The following SORCS2 variants were observed in gnomAD, a reference collection of about 807,000 sequenced individuals.
The protein encoded by SORCS2 is VPS10 domain-containing receptor SorCS2.
In SORCS2, 100 loss-of-function variants were observed where a neutral mutation model predicts 141.6. That is an observed-to-expected ratio of 0.71 (90% CI 0.60 to 0.83). The LOEUF (loss-of-function observed/expected upper bound fraction) is 0.83, where lower values mean the gene tolerates loss of function less well. Among genes scored for constraint, SORCS2 ranks in the 40% least tolerant of loss-of-function variants. SORCS2 has a pLI of 0.00. For synonymous variants in SORCS2, 789 were observed against 676.9 expected (o/e 1.17, Z -2.57); for missense variants, 1,646 against 1,560.2 (o/e 1.05, Z -0.93).
intron 2 of SORCS2, among the ~76,000 whole-genome samples, chr4:7,453,960 G>T (rs1393977307): frequency 9.3e-6 from 1 of 107,916 alleles, no homozygotes; most frequent in South Asian, 3.6e-4. Context: ...GTGTGTTGGG[G>T]TCAGGTGCTG....
intron 1 of SORCS2, among the ~76,000 whole-genome samples, chr4:7,234,127 A>G (rs6414633): frequency 0.81 from 122,348 of 151,622 alleles, 49,394 homozygotes; most frequent in Admixed American, 0.82. Context: ...CCCACCAGAA[A>G]GATGCTTGGG....
chr4:7,623,990 T>A (rs556106190), intron 3 of SORCS2, among the ~76,000 whole-genome samples: 1 of 152,298 alleles, frequency 6.6e-6, no homozygotes, highest in South Asian at 2.1e-4. Flanking sequence ...TCTCTGGGAC[T>A]CACTTGCTTG....
intron 1 of SORCS2, among the ~76,000 whole-genome samples, chr4:7,228,312 C>T (rs1034681239): frequency 3.9e-5 from 6 of 152,270 alleles, no homozygotes; most frequent in Non-Finnish European, 8.8e-5. Context: ...TAAATACAGA[C>T]GCATCCTGGG....
chr4:7,568,793 C>T (rs866259642), intron 3 of SORCS2, among the ~76,000 whole-genome samples: 3 of 152,194 alleles, frequency 2.0e-5, no homozygotes, highest in African/African-American at 7.2e-5. Flanking sequence ...AAGTCTATTG[C>T]AATTACAAGG....
At chr4:7,677,033 G>C (rs989385501) in intron 9 of SORCS2, among the ~76,000 whole-genome samples, 5 of 147,992 alleles carry the variant, frequency 3.4e-5, no homozygotes, top group Admixed American at 3.4e-4. Context: ...CTCTCTCTCT[G>C]TCTCTCTCTC....
At chr4:7,651,886 T>G (rs976619954) in intron 4 of SORCS2, among the ~76,000 whole-genome samples, 7 of 152,222 alleles carry the variant, frequency 4.6e-5, no homozygotes, top group Non-Finnish European at 1.5e-5. Context: ...CACATTCTTC[T>G]TAGGCCATGG....
At chr4:7,462,674 T>C (rs1729382773) in intron 2 of SORCS2, among the ~76,000 whole-genome samples, 1 of 151,730 alleles carries the variant, frequency 6.6e-6, no homozygotes, top group Non-Finnish European at 1.5e-5. Context: ...CCTGGCGACC[T>C]CAGTCCCTGG....
At chr4:7,199,274 G>A (rs556780487) in intron 1 of SORCS2, among the ~76,000 whole-genome samples, 7 of 152,330 alleles carry the variant, frequency 4.6e-5, no homozygotes, top group African/African-American at 1.7e-4. Flanking sequence ...CCCCAGGGAT[G>A]CAATTCAGGA....
At chr4:7,674,781 C>T (rs1234258952) in intron 8 of SORCS2, among the ~76,000 whole-genome samples, 1 of 147,050 alleles carries the variant, frequency 6.8e-6, no homozygotes, top group Non-Finnish European at 1.5e-5. Flanking sequence ...TGGACAGAAT[C>T]GGGATTTGAT....
At chr4:7,618,175 C>T (rs1324938863) in intron 3 of SORCS2, among the ~76,000 whole-genome samples, 2 of 152,146 alleles carry the variant, frequency 1.3e-5, no homozygotes, top group Non-Finnish European at 2.9e-5. Flanking sequence ...TCCGCAGGCT[C>T]CTCTCAGGAA....
chr4:7,449,544 C>T (rs1211848164), intron 2 of SORCS2, among the ~76,000 whole-genome samples: 1 of 151,232 alleles, frequency 6.6e-6, no homozygotes, highest in South Asian at 2.1e-4. Flanking sequence ...ACACTTCCTG[C>T]CTGACAGGGC....
At chr4:7,501,111 G>C (rs1373615411) in intron 2 of SORCS2, among the ~76,000 whole-genome samples, 1 of 152,212 alleles carries the variant, frequency 6.6e-6, no homozygotes, top group Non-Finnish European at 1.5e-5. Flanking sequence ...ACCTGTGAAG[G>C]CGCGGGTGAG....
intron 4 of SORCS2, 59 bp from the exon 5 acceptor site, chr4:7,654,075 A>G: frequency 2.1e-6 from 3 of 1,455,008 alleles, no homozygotes; most frequent in Non-Finnish European, 2.8e-6. Flanking sequence ...ACCCTCTCTC[A>G]GAAGCAGCTT....
At chr4:7,736,980 G>A (rs1055649275) in intron 25 of SORCS2, 89 bp from the exon 26 acceptor site, 77 of 1,484,916 alleles carry the variant, frequency 5.2e-5, no homozygotes, top group Middle Eastern at 1.9e-4. Context: ...CACCACACTC[G>A]GTGTGGTCAG....
chr4:7,646,311 G>A (rs1339767674), intron 4 of SORCS2, among the ~76,000 whole-genome samples: 2 of 152,222 alleles, frequency 1.3e-5, no homozygotes, highest in Admixed American at 6.5e-5. Flanking sequence ...GGTGGGGGTG[G>A]AAGGTACGCA....
rs769657073 is a variant in SORCS2, at chr4:7,676,074, G to A, written c.1186G>A (p.Glu396Lys). 11 of 1,590,352 alleles carry A rather than the reference G, an allele frequency of 6.9e-6. No individual in the cohort carries two copies. The highest frequency in any genetic ancestry group is 5.7e-5 in the South Asian group (5 of 87,240). The change falls in exon 9 of 27, where the codon GAG (glutamate) becomes AAG (lysine). Residue 396 changes from glutamate (E) to lysine (K), a missense_variant. Physicochemically the swap from Glu to Lys is moderately conservative, Grantham distance 56. Coordinates refer to ENST00000507866, the MANE Select transcript of SORCS2 (RefSeq NM_020777.3). ...PKDLQIISTDESQVFVAVQEW... is the reference protein window; with the variant it reads ...PKDLQIISTDKSQVFVAVQEW... The stretch of plus-strand genomic sequence containing the variant: ...GGATCTGCAGATCATCAGCACGGAC[G>A]AGAGTCAGGTGTTCGTGGCGGTGCA...
chr4:7,715,281 C>T lies in SORCS2; in HGVS notation c.2222C>T (p.Ala741Val), dbSNP rs751419003. The T allele has an allele frequency of 2.5e-6, 4 of 1,613,456 alleles. No homozygotes were observed. The Admixed American group carries it at 5.0e-5, about 20-fold the overall frequency. ...FNPLSPPDDC[A>V]LGQTYTSSLG... ...CCATTGTCCCCGCCTGACGACTGTG[C>T]CCTGGGCCAGACCTACACCAGCAGC... Residue 741 changes from alanine to valine, a missense_variant, in exon 17 of 27, where the codon GCC (alanine) becomes GTC (valine). Coordinates refer to ENST00000507866, the MANE Select transcript of SORCS2 (RefSeq NM_020777.3).
chr4:7,584,205 A>G (rs1375427783), intron 3 of SORCS2, among the ~76,000 whole-genome samples: 1 of 152,228 alleles, frequency 6.6e-6, no homozygotes, highest in Non-Finnish European at 1.5e-5. Flanking sequence ...GTAGTAACAA[A>G]TAATTGTCAT....
chr4:7,693,132 G>A (rs1253635094), intron 11 of SORCS2, among the ~76,000 whole-genome samples: 1 of 152,190 alleles, frequency 6.6e-6, no homozygotes, highest in Non-Finnish European at 1.5e-5. Context: ...CCTTCTGAGT[G>A]CTCCTGTGTT....
Sources: allele counts gnomAD v4.1 joint callset (sites outside exome capture counted in the v4.1 genomes callset), GRCh38; gene constraint gnomAD v4.1.1; transcripts MANE v1.5; gene names NCBI Gene and HGNC (gene_info 2026-07-23, HGNC 2026-07-21).